LRP1B: variants seen among roughly 807,000 people sequenced by gnomAD.
LRP1B encodes the protein low-density lipoprotein receptor-related protein 1B.
In LRP1B, 217 loss-of-function variants were observed where a neutral mutation model predicts 556.6. That is an observed-to-expected ratio of 0.39 (90% CI 0.35 to 0.44). LRP1B has a LOEUF of 0.44. Among genes scored for constraint, LRP1B ranks in the 20% least tolerant of loss-of-function variants. The pLI is 1.00. For synonymous variants in LRP1B, 2,047 were observed against 1,865.8 expected (o/e 1.10, Z -2.50); for missense variants, 5,053 against 5,620.8 (o/e 0.90, Z 3.23).
At chr2:141,684,533 C>G (rs1350866326) in intron 2 of LRP1B, among the ~76,000 whole-genome samples, 1 of 151,778 alleles carries the variant, frequency 6.6e-6, no homozygotes, top group Non-Finnish European at 1.5e-5. Flanking sequence ...CAGCAAACCA[C>G]CATGGCATGT....
intron 3 of LRP1B, among the ~76,000 whole-genome samples, chr2:141,302,263 C>A (rs1384305085): frequency 6.6e-6 from 1 of 151,862 alleles, no homozygotes; most frequent in Non-Finnish European, 1.5e-5. Context: ...CTAGTTAACT[C>A]AAAAGGAAAC....
rs189888419 is a variant in LRP1B, at chr2:141,252,693, T to C, written c.463+1829A>G. 1.2e-3 allele frequency among the ~76,000 whole-genome samples: 188 copies of C among 152,296 alleles called. 1 individual carries two copies. Among genetic ancestry groups the C allele is most frequent in the African/African-American group, 3.8e-3 (158 of 41,578 alleles). On this transcript the variant is annotated intron_variant, in intron 4 of 90. Coordinates refer to ENST00000389484, the MANE Select transcript of LRP1B (RefSeq NM_018557.3). ...GATCGATTATCTCTTTTCTTCTTTC[T>C]ACTTAGCCAGAATGCACTGAGGTGG...
At chr2:141,809,724 T>C (rs1464675362) in intron 2 of LRP1B, among the ~76,000 whole-genome samples, 1 of 131,620 alleles carries the variant, frequency 7.6e-6, no homozygotes, top group Non-Finnish European at 1.6e-5. Context: ...CCTAACTCTA[T>C]GAATGGATAA....
chr2:141,737,848 A>C (rs1237165539), intron 2 of LRP1B, among the ~76,000 whole-genome samples: 2 of 152,118 alleles, frequency 1.3e-5, no homozygotes, highest in Non-Finnish European at 2.9e-5. Flanking sequence ...TTAGTAGGGA[A>C]CACCTATCTT....
chr2:141,483,288 G>A (rs1163299523), intron 2 of LRP1B, among the ~76,000 whole-genome samples: 1 of 151,106 alleles, frequency 6.6e-6, no homozygotes, highest in Non-Finnish European at 1.5e-5. Flanking sequence ...CAAAGGACAT[G>A]AACTCATCAT....
intron 2 of LRP1B, among the ~76,000 whole-genome samples, chr2:141,543,861 TGC>T (rs1422318240): frequency 6.6e-6 from 1 of 152,062 alleles, no homozygotes; most frequent in Non-Finnish European, 1.5e-5. Context: ...AAGTCCATGG[TGC>T]AAGGTCTCAT....
At chr2:141,405,686 C>T (rs1220831430) in intron 3 of LRP1B, among the ~76,000 whole-genome samples, 2 of 151,920 alleles carry the variant, frequency 1.3e-5, no homozygotes, top group African/African-American at 4.8e-5. Flanking sequence ...TACAATACTG[C>T]TAATGGGTAT....
At chr2:140,868,013 G>T in intron 26 of LRP1B, 86 bp downstream of exon 26, 1 of 1,406,424 alleles carries the variant, frequency 7.1e-7, no homozygotes, top group Non-Finnish European at 9.6e-7. Context: ...ATGTATACAT[G>T]ATACTGACAT....
At chr2:140,478,506 T>A (rs1036097021) in intron 59 of LRP1B, among the ~76,000 whole-genome samples, 20 of 152,162 alleles carry the variant, frequency 1.3e-4, no homozygotes, top group African/African-American at 4.3e-4. Flanking sequence ...AAGCTTCCCC[T>A]GATAAAGTGA....
intron 43 of LRP1B, among the ~76,000 whole-genome samples, chr2:140,544,627 T>C (rs772313326): frequency 1.9e-4 from 29 of 152,116 alleles, no homozygotes; most frequent in Non-Finnish European, 3.8e-4. Context: ...TCTAGCTCCA[T>C]CCATATTTCT....
chr2:140,811,710 A>G (rs1690931047), intron 32 of LRP1B, among the ~76,000 whole-genome samples: 1 of 152,090 alleles, frequency 6.6e-6, no homozygotes, highest in East Asian at 1.9e-4. Flanking sequence ...CATAAGACAA[A>G]ATATTATTGT....
chr2:141,730,838 T>C (rs987952028), intron 2 of LRP1B, among the ~76,000 whole-genome samples: 1 of 152,178 alleles, frequency 6.6e-6, no homozygotes, highest in Non-Finnish European at 1.5e-5. Context: ...CTAAGCTTCA[T>C]ATTCTTCACT....
chr2:141,506,856 T>C (rs1308592710), intron 2 of LRP1B, among the ~76,000 whole-genome samples: 1 of 152,114 alleles, frequency 6.6e-6, no homozygotes, highest in East Asian at 1.9e-4. Context: ...ATAGTATGCT[T>C]TAAAAATTGA....
At chr2:140,989,884 ATGTAT>A (rs763636663) in intron 16 of LRP1B, among the ~76,000 whole-genome samples, 3 of 152,130 alleles carry the variant, frequency 2.0e-5, no homozygotes, top group Non-Finnish European at 4.4e-5. Context: ...ATAAAAGGAA[ATGTAT>A]TCTTTTTTTA....
intron 43 of LRP1B, among the ~76,000 whole-genome samples, chr2:140,585,934 T>C (rs1681966316): frequency 2.0e-5 from 3 of 152,174 alleles, no homozygotes; most frequent in African/African-American, 7.2e-5. Flanking sequence ...TAAGTCTTAT[T>C]CCTGTTTAAA....
chr2:140,368,140 G>C (rs758220538), intron 71 of LRP1B, among the ~76,000 whole-genome samples: 1 of 151,694 alleles, frequency 6.6e-6, no homozygotes, highest in Non-Finnish European at 1.5e-5. Context: ...TTTTGAAATG[G>C]CATAAAGCAC....
At chr2:140,794,304 T>A (rs1489138667) in intron 32 of LRP1B, among the ~76,000 whole-genome samples, 1 of 152,088 alleles carries the variant, frequency 6.6e-6, no homozygotes, top group Non-Finnish European at 1.5e-5. Context: ...AGCTAAAATA[T>A]CAGACAGGCA....
chr2:141,625,851 C>T (rs58904771), intron 2 of LRP1B, among the ~76,000 whole-genome samples: 9,537 of 152,040 alleles, frequency 0.063, 502 homozygotes, highest in South Asian at 0.15. Context: ...TTAAAACTGC[C>T]TCAAGGAAGT....
chr2:140,793,566 T>C (rs1690196774), intron 32 of LRP1B, among the ~76,000 whole-genome samples: 1 of 151,952 alleles, frequency 6.6e-6, no homozygotes, highest in Non-Finnish European at 1.5e-5. Flanking sequence ...TATAAATATA[T>C]TACTAAGAAA....
Sources: allele counts gnomAD v4.1 joint callset (sites outside exome capture counted in the v4.1 genomes callset), GRCh38; gene constraint gnomAD v4.1.1; transcripts MANE v1.5; gene names NCBI Gene and HGNC (gene_info 2026-07-23, HGNC 2026-07-21).